Variants in OR3A2 observed in about 807,000 individuals in gnomAD.
OR3A2 encodes olfactory receptor family 3 subfamily A member 2.
For synonymous variants in OR3A2, 126 were observed against 159.3 expected (o/e 0.79, Z 1.57); for missense variants, 318 against 392.8 (o/e 0.81, Z 1.61).
At chr17:3,302,647 C>T (rs958759177) in intron 3 of OR3A2, among the ~76,000 whole-genome samples, 9 of 152,154 alleles carry the variant, frequency 5.9e-5, no homozygotes, top group Non-Finnish European at 1.0e-4. Flanking sequence ...GCACTAATTC[C>T]GTTCCTAATT....
chr17:3,382,729 AG>A (rs2049748128), intron 2 of OR3A2, among the ~76,000 whole-genome samples: 1 of 152,144 alleles, frequency 6.6e-6, no homozygotes, highest in South Asian at 2.1e-4. Context: ...TCCACTCCCA[AG>A]CATCTGTATA....
intron 3 of OR3A2, among the ~76,000 whole-genome samples, chr17:3,321,216 T>C (rs1166760048): frequency 2.0e-5 from 3 of 151,528 alleles, no homozygotes; most frequent in East Asian, 1.9e-4. Flanking sequence ...GTGTGATTTT[T>C]GTACATTGAT....
At chr17:3,360,886 A>C (rs162258) in intron 2 of OR3A2, among the ~76,000 whole-genome samples, 3 of 151,236 alleles carry the variant, frequency 2.0e-5, no homozygotes, top group Non-Finnish European at 4.4e-5. Flanking sequence ...GGTTAGGATT[A>C]ACTTGGCGAT....
chr17:3,372,018 C>G lies in OR3A2; in HGVS notation c.-179+11786G>C, dbSNP rs989559608. Among the ~76,000 whole-genome samples, 5 of 112,396 alleles carry G rather than the reference C, an allele frequency of 4.4e-5. 1 individual carries two copies. Among genetic ancestry groups the G allele is most frequent in the African/African-American group, 1.9e-4 (5 of 26,606 alleles). 73.7% of individuals were successfully genotyped at this position (112,396 alleles called of 152,430 possible). The stretch of plus-strand genomic sequence containing the variant: ...GGCTGCCGGGCAGAGGGGCTCCTCA[C>G]TTCTCATACGGGGCGGCTGCCGGGC... On this transcript the variant is annotated intron_variant, in intron 2 of 4. Coordinates refer to the OR3A2 transcript ENST00000573491.
intron 3 of OR3A2, among the ~76,000 whole-genome samples, chr17:3,320,143 T>C (rs1397821246): frequency 6.6e-5 from 10 of 151,798 alleles, no homozygotes; most frequent in Non-Finnish European, 1.0e-4. Flanking sequence ...GATGAGCATT[T>C]TTTCATGTGT....
intron 3 of OR3A2, among the ~76,000 whole-genome samples, chr17:3,335,436 A>G (rs1426148845): frequency 6.6e-6 from 1 of 152,202 alleles, no homozygotes; most frequent in Non-Finnish European, 1.5e-5. Context: ...ATGAATAATC[A>G]ATTACCTCAA....
At chr17:3,353,389 A>G (rs1291757855) in intron 2 of OR3A2, among the ~76,000 whole-genome samples, 1 of 151,894 alleles carries the variant, frequency 6.6e-6, no homozygotes, top group East Asian at 1.9e-4. Flanking sequence ...GACTTCCAGT[A>G]CTATGTTGAA....
intron 2 of OR3A2, among the ~76,000 whole-genome samples, chr17:3,380,316 G>A (rs1769677553): frequency 6.6e-6 from 1 of 152,308 alleles, no homozygotes; most frequent in Non-Finnish European, 1.5e-5. Context: ...CGCAGCACAG[G>A]GAAGTGGATG....
At chr17:3,280,438 AT>A (rs372043372) in intron 1 of OR3A2, among the ~76,000 whole-genome samples, 2,801 of 151,802 alleles carry the variant, frequency 0.018, 90 homozygotes, top group African/African-American at 0.063. Flanking sequence ...CGCCCGGCTA[AT>A]TTTTTTGTAT....
chr17:3,349,945 T>G (rs230460), intron 2 of OR3A2, among the ~76,000 whole-genome samples: 64,565 of 150,416 alleles, frequency 0.43, 14,024 homozygotes, highest in Admixed American at 0.53. Flanking sequence ...GGGTACATAA[T>G]GAAATGAAGG....
At chr17:3,291,947 G>C (rs1388905535) in intron 3 of OR3A2, 2 of 1,614,172 alleles carry the variant, frequency 1.2e-6, no homozygotes, top group South Asian at 2.2e-5. Flanking sequence ...GAGCCATGGG[G>C]GTACCTGCCA....
intron 3 of OR3A2, among the ~76,000 whole-genome samples, chr17:3,320,918 A>G (rs1296908029): frequency 6.6e-6 from 1 of 151,990 alleles, no homozygotes; most frequent in Non-Finnish European, 1.5e-5. Context: ...CTGTGAAGAA[A>G]GTCATTGGTA....
chr17:3,295,967 G>A (rs561948015), intron 3 of OR3A2, among the ~76,000 whole-genome samples: 2 of 152,240 alleles, frequency 1.3e-5, no homozygotes, highest in East Asian at 3.9e-4. Flanking sequence ...GTGGATTTTA[G>A]TGACTTTCAG....
rs567256140 is a variant in OR3A2, at chr17:3,377,199, G to A, written c.-179+6605C>T. On this transcript the variant is annotated intron_variant, in intron 2 of 4. Coordinates refer to the OR3A2 transcript ENST00000573491. ...AAGTTCACAATGTGAGTCTCCACAC[G>A]GTGTTCTGTCCAACCAAGGGGGAGC... Among the ~76,000 whole-genome samples the A allele has an allele frequency of 2.1e-4, 32 of 152,266 alleles. 1 individual carries two copies. The highest frequency in any genetic ancestry group is 3.4e-3 in the Middle Eastern group (1 of 294).
chr17:3,345,633 T>C (rs2049357795), intron 2 of OR3A2, among the ~76,000 whole-genome samples: 1 of 152,064 alleles, frequency 6.6e-6, no homozygotes, highest in South Asian at 2.1e-4. Context: ...AGAAGTCTTG[T>C]AGTTTAAGTT....
At chr17:3,344,850 C>A (rs1000762270) in intron 2 of OR3A2, among the ~76,000 whole-genome samples, 38 of 152,290 alleles carry the variant, frequency 2.5e-4, no homozygotes, top group Middle Eastern at 6.8e-3. Flanking sequence ...GCTGAGCCAA[C>A]TGGAGGGAAT....
At chr17:3,381,318 G>T (rs9908553) in intron 2 of OR3A2, among the ~76,000 whole-genome samples, 4 of 143,408 alleles carry the variant, frequency 2.8e-5, no homozygotes, top group Non-Finnish European at 6.2e-5. Context: ...CAAACATAGG[G>T]TTTTTTTTTT....
At chr17:3,341,088 C>G (rs902037237) in intron 2 of OR3A2, among the ~76,000 whole-genome samples, 2 of 151,996 alleles carry the variant, frequency 1.3e-5, no homozygotes, top group Non-Finnish European at 2.9e-5. Flanking sequence ...GAATTGCAAC[C>G]CCTGCTTGTT....
intron 3 of OR3A2, among the ~76,000 whole-genome samples, chr17:3,329,064 C>T (rs1302456604): frequency 6.6e-6 from 1 of 151,168 alleles, no homozygotes; most frequent in Non-Finnish European, 1.5e-5. Context: ...ATGAAGCCCA[C>T]TTGATCATGG....
Sources: gnomAD v4.1 joint callset for allele counts (sites outside exome capture counted in the v4.1 genomes callset) on GRCh38, gnomAD v4.1.1 for gene constraint, MANE v1.5 for transcripts, NCBI Gene and HGNC (gene_info 2026-07-23, HGNC 2026-07-21) for gene names.